The following SLC35F4 variants were observed in gnomAD, a reference collection of about 807,000 sequenced individuals.
SLC35F4 encodes solute carrier family 35 member F4.
Under a neutral mutation model 44.2 loss-of-function variants are expected in SLC35F4, and 24 were observed. That is an observed-to-expected ratio of 0.54 (90% CI 0.39 to 0.76). The LOEUF (loss-of-function observed/expected upper bound fraction) is 0.76, where lower values mean the gene tolerates loss of function less well. SLC35F4 is among the 30% of genes least tolerant of loss of function. SLC35F4 has a pLI of 0.00. For missense variants in SLC35F4, 562 were observed against 586.1 expected (o/e 0.96, Z 0.42); for synonymous variants, 238 against 223.6 (o/e 1.06, Z -0.57).
chr14:57,703,908 A>T (rs1233389292), intron 1 of SLC35F4, among the ~76,000 whole-genome samples: 1 of 152,172 alleles, frequency 6.6e-6, no homozygotes, highest in African/African-American at 2.4e-5. Flanking sequence ...ACCAGGCTGT[A>T]TCCTGTTCTC....
At chr14:57,695,613 C>A (rs952677423) in intron 1 of SLC35F4, among the ~76,000 whole-genome samples, 1 of 151,788 alleles carries the variant, frequency 6.6e-6, no homozygotes, top group Admixed American at 6.6e-5. Flanking sequence ...GTCAGTGTGG[C>A]GATTCCTCAG....
intron 1 of SLC35F4, among the ~76,000 whole-genome samples, chr14:57,831,816 T>C (rs2140937720): frequency 6.6e-6 from 1 of 152,196 alleles, no homozygotes; most frequent in East Asian, 1.9e-4. Flanking sequence ...GAATGCATTC[T>C]AATAAGCAAT....
At chr14:57,566,609 G>A (rs777020308) in intron 6 of SLC35F4, 45 bp from the exon 7 acceptor site, 14 of 1,523,042 alleles carry the variant, frequency 9.2e-6, no homozygotes, top group Admixed American at 7.8e-5. Flanking sequence ...GAAATAATAC[G>A]CTGGACTTTT....
intron 1 of SLC35F4, among the ~76,000 whole-genome samples, chr14:57,697,708 A>C (rs2140354382): frequency 6.6e-6 from 1 of 152,230 alleles, no homozygotes; most frequent in South Asian, 2.1e-4. Context: ...TTAAAAAAAA[A>C]AAAAAAGAAA....
chr14:57,943,741 G>A (rs921659391), intron 1 of SLC35F4, among the ~76,000 whole-genome samples: 12 of 152,176 alleles, frequency 7.9e-5, no homozygotes, highest in African/African-American at 2.2e-4. Context: ...TCAGTTAACC[G>A]CCAGTGCTGG....
At chr14:57,878,558 T>G (rs917102909) in intron 1 of SLC35F4, among the ~76,000 whole-genome samples, 2 of 152,156 alleles carry the variant, frequency 1.3e-5, no homozygotes, top group African/African-American at 4.8e-5. Flanking sequence ...ACCTCTGGAT[T>G]TTTATACATG....
At chr14:57,923,007 G>C (rs1316277507) in intron 1 of SLC35F4, among the ~76,000 whole-genome samples, 1 of 152,186 alleles carries the variant, frequency 6.6e-6, no homozygotes, top group South Asian at 2.1e-4. Flanking sequence ...TATGCTTTAT[G>C]ATATCTCACT....
chr14:57,898,541 T>A (rs1024978939), intron 1 of SLC35F4, among the ~76,000 whole-genome samples: 4 of 152,228 alleles, frequency 2.6e-5, no homozygotes, highest in African/African-American at 9.6e-5. Context: ...AGCAGACCCA[T>A]GAAAACATCT....
chr14:57,816,571 T>C (rs1201899831), intron 1 of SLC35F4, among the ~76,000 whole-genome samples: 1 of 152,222 alleles, frequency 6.6e-6, no homozygotes. Context: ...AATTTACTGA[T>C]GTAGTAACAA....
chr14:57,694,865 G>C (rs2075336512), intron 1 of SLC35F4, among the ~76,000 whole-genome samples: 1 of 152,014 alleles, frequency 6.6e-6, no homozygotes, highest in Non-Finnish European at 1.5e-5. Flanking sequence ...TTACCTAATT[G>C]TATATTTCTA....
intron 2 of SLC35F4, 77 bp downstream of exon 2, chr14:57,593,860 TTC>T (rs1432454779): frequency 5.4e-6 from 8 of 1,489,110 alleles, no homozygotes; most frequent in Non-Finnish European, 7.3e-6. Flanking sequence ...CATCTCTGCA[TTC>T]TGTGACAATG....
chr14:57,599,874 A>C (rs1290441650), intron 1 of SLC35F4, among the ~76,000 whole-genome samples: 2 of 151,412 alleles, frequency 1.3e-5, no homozygotes, highest in Non-Finnish European at 2.9e-5. Flanking sequence ...TTAGGTCATG[A>C]CTTTTAATTA....
At chr14:57,748,085 T>C (rs2076801222) in intron 1 of SLC35F4, among the ~76,000 whole-genome samples, 1 of 152,206 alleles carries the variant, frequency 6.6e-6, no homozygotes, top group Non-Finnish European at 1.5e-5. Context: ...GCTCAAGTTG[T>C]AGAACTCTAT....
intron 1 of SLC35F4, among the ~76,000 whole-genome samples, chr14:57,838,287 G>T (rs1466624433): frequency 6.6e-6 from 1 of 152,148 alleles, no homozygotes; most frequent in African/African-American, 2.4e-5. Context: ...AGGCAAACAG[G>T]AAAGAAGGAG....
chr14:57,724,909 T>C (rs763129059), intron 1 of SLC35F4, among the ~76,000 whole-genome samples: 2 of 152,158 alleles, frequency 1.3e-5, no homozygotes, highest in Non-Finnish European at 2.9e-5. Flanking sequence ...TGGCCAGATA[T>C]GTGATTATAT....
intron 1 of SLC35F4, among the ~76,000 whole-genome samples, chr14:57,819,686 G>A (rs565146779): frequency 4.0e-5 from 6 of 151,428 alleles, no homozygotes; most frequent in South Asian, 4.2e-4. Flanking sequence ...GGTGGTGTGC[G>A]TCTGTATTCC....
intron 1 of SLC35F4, among the ~76,000 whole-genome samples, chr14:57,653,217 T>C (rs2073847947): frequency 6.6e-6 from 1 of 152,086 alleles, no homozygotes; most frequent in African/African-American, 2.4e-5. Context: ...AGAGAAGAAA[T>C]AACAGTAGGA....
chr14:57,894,866 A>G (rs532503898), intron 1 of SLC35F4, among the ~76,000 whole-genome samples: 1 of 152,292 alleles, frequency 6.6e-6, no homozygotes, highest in South Asian at 2.1e-4. Flanking sequence ...TCAGGGATAG[A>G]CAAACTTACA....
At chr14:57,733,789 T>G (rs1246274739) in intron 1 of SLC35F4, among the ~76,000 whole-genome samples, 1 of 152,048 alleles carries the variant, frequency 6.6e-6, no homozygotes, top group Non-Finnish European at 1.5e-5. Context: ...CTAGGCATGT[T>G]ATAGCCTAGG....
Sources: allele counts gnomAD v4.1 joint callset (sites outside exome capture counted in the v4.1 genomes callset), GRCh38; gene constraint gnomAD v4.1.1; transcripts MANE v1.5; gene names NCBI Gene and HGNC (gene_info 2026-07-23, HGNC 2026-07-21).